The following PTPRN2 variants were observed in gnomAD, a reference collection of about 807,000 sequenced individuals.
PTPRN2 encodes the protein protein tyrosine phosphatase receptor type N2.
In PTPRN2, 74 loss-of-function variants were observed where a neutral mutation model predicts 118.8. The observed-to-expected ratio is 0.62, with a 90% confidence interval of 0.52 to 0.76. The LOEUF (loss-of-function observed/expected upper bound fraction) is 0.76. Ranked by LOEUF, PTPRN2 falls within the 30% of genes least tolerant of loss-of-function variation. The pLI is 0.00. For synonymous variants in PTPRN2, 641 were observed against 608.0 expected (o/e 1.05, Z -0.80); for missense variants, 1,481 against 1,394.4 (o/e 1.06, Z -0.99).
chr7:158,069,576 A>G (rs886401702), intron 11 of PTPRN2, among the ~76,000 whole-genome samples: 1 of 151,412 alleles, frequency 6.6e-6, no homozygotes, highest in African/African-American at 2.4e-5. Context: ...CTTAACCCCC[A>G]AAGTGCTGGG....
At chr7:157,837,964 AT>A (rs1808089214) in intron 12 of PTPRN2, among the ~76,000 whole-genome samples, 1 of 151,730 alleles carries the variant, frequency 6.6e-6, no homozygotes, top group Non-Finnish European at 1.5e-5. Context: ...CTCACAGTGG[AT>A]GGCACGGGAG....
At chr7:157,582,952 A>C (rs1800477277) in intron 17 of PTPRN2, among the ~76,000 whole-genome samples, 1 of 152,096 alleles carries the variant, frequency 6.6e-6, no homozygotes, top group African/African-American at 2.4e-5. Context: ...CCACTGTGTG[A>C]TCCAGCAATC....
At chr7:158,264,717 T>C (rs927957517) in intron 3 of PTPRN2, among the ~76,000 whole-genome samples, 3 of 152,160 alleles carry the variant, frequency 2.0e-5, no homozygotes, top group African/African-American at 2.4e-5. Context: ...TCTTCCTCCA[T>C]GCCCAGGCTC....
intron 12 of PTPRN2, among the ~76,000 whole-genome samples, chr7:157,744,230 C>T (rs986493771): frequency 2.6e-5 from 4 of 152,156 alleles, no homozygotes; most frequent in East Asian, 1.9e-4. Flanking sequence ...GCACAGAAGC[C>T]GTGATGCTGG....
chr7:157,886,113 C>G (rs1307959228), intron 12 of PTPRN2, among the ~76,000 whole-genome samples: 1 of 152,174 alleles, frequency 6.6e-6, no homozygotes, highest in African/African-American at 2.4e-5. Context: ...ACTGAGGGAC[C>G]TTATGAACAT....
intron 11 of PTPRN2, among the ~76,000 whole-genome samples, chr7:158,073,246 C>T (rs1316253305): frequency 6.6e-6 from 1 of 152,248 alleles, no homozygotes; most frequent in African/African-American, 2.4e-5. Flanking sequence ...GAAGAACTCC[C>T]AAGAAGTGGC....
At chr7:158,241,240 G>A (rs547215860) in intron 3 of PTPRN2, among the ~76,000 whole-genome samples, 2 of 152,198 alleles carry the variant, frequency 1.3e-5, no homozygotes, top group Non-Finnish European at 2.9e-5. Flanking sequence ...TTTCGGCCGG[G>A]CGTGGTGGCT....
intron 11 of PTPRN2, among the ~76,000 whole-genome samples, chr7:157,993,382 G>A (rs10807652): frequency 0.75 from 112,993 of 151,408 alleles, 43,115 homozygotes; most frequent in Non-Finnish European, 0.83. Flanking sequence ...AAGACCCCAC[G>A]GGGACATCCC....
chr7:157,569,739 C>A (rs537935921), intron 20 of PTPRN2, among the ~76,000 whole-genome samples: 2 of 152,204 alleles, frequency 1.3e-5, no homozygotes, highest in Non-Finnish European at 2.9e-5. Context: ...CCCGTGCAGA[C>A]GCTGTCACTG....
chr7:158,172,386 CATT>C, intron 5 of PTPRN2, among the ~76,000 whole-genome samples: 1 of 152,292 alleles, frequency 6.6e-6, no homozygotes, highest in Middle Eastern at 3.4e-3. Flanking sequence ...TCAGCAGTAT[CATT>C]ATCACCATTA....
chr7:157,770,316 A>T (rs1037321145), intron 12 of PTPRN2, among the ~76,000 whole-genome samples: 1 of 152,204 alleles, frequency 6.6e-6, no homozygotes, highest in African/African-American at 2.4e-5. Context: ...TCAGTATAAC[A>T]ACTACCCTTG....
At chr7:158,308,441 A>G (rs1465603018) in intron 3 of PTPRN2, among the ~76,000 whole-genome samples, 1 of 152,228 alleles carries the variant, frequency 6.6e-6, no homozygotes, top group Non-Finnish European at 1.5e-5. Context: ...TTATTTAGTA[A>G]ATATGAAAGA....
rs1467052742 is a variant in PTPRN2 at position 158,378,704 on chromosome 7, T to TC, written c.164-61773dup. Reference sequence around the variant, plus strand: ...AGGGTCCAGGGTCCAGGGTCCAGGGTCAACATCCAACTCAGTTGCTTTCTG... The same window carrying TC: ...AGGGTCCAGGGTCCAGGGTCCAGGGTCCAACATCCAACTCAGTTGCTTTCTG... On this transcript the variant is annotated intron_variant, in intron 2 of 22. Coordinates refer to ENST00000389418, the MANE Select transcript of PTPRN2 (RefSeq NM_002847.5). 7.2e-3 allele frequency among the ~76,000 whole-genome samples: 1,089 copies of TC among 152,240 alleles called. 9 individuals are homozygous for TC. The highest frequency in any genetic ancestry group is 0.025 in the African/African-American group (1,038 of 41,536).
intron 12 of PTPRN2, among the ~76,000 whole-genome samples, chr7:157,872,202 C>A (rs1205623905): frequency 7.3e-6 from 1 of 137,036 alleles, no homozygotes; most frequent in Non-Finnish European, 1.6e-5. Flanking sequence ...CACACCCATA[C>A]CCAGTGTCCT....
At chr7:158,080,839 G>A (rs891180734) in intron 11 of PTPRN2, among the ~76,000 whole-genome samples, 2 of 152,166 alleles carry the variant, frequency 1.3e-5, no homozygotes, top group African/African-American at 4.8e-5. Flanking sequence ...GATACTTTGT[G>A]GTGTCTCTGC....
chr7:157,781,610 G>A (rs1010385060), intron 12 of PTPRN2, among the ~76,000 whole-genome samples: 3 of 152,178 alleles, frequency 2.0e-5, no homozygotes, highest in Non-Finnish European at 4.4e-5. Context: ...AGTATGAAGC[G>A]TGCAGCTGGG....
intron 2 of PTPRN2, among the ~76,000 whole-genome samples, chr7:158,379,659 T>TA (rs1810810309): frequency 6.6e-6 from 1 of 152,096 alleles, no homozygotes; most frequent in Non-Finnish European, 1.5e-5. Context: ...GGGGCGGGGT[T>TA]CCTAAGAAAC....
intron 3 of PTPRN2, among the ~76,000 whole-genome samples, chr7:158,258,142 A>G (rs1299747547): frequency 1.3e-5 from 2 of 152,242 alleles, no homozygotes; most frequent in Non-Finnish European, 2.9e-5. Context: ...AACAGCTCAC[A>G]GCATGGCTGC....
intron 12 of PTPRN2, among the ~76,000 whole-genome samples, chr7:157,811,204 G>A (rs373569996): frequency 3.3e-5 from 5 of 150,932 alleles, no homozygotes; most frequent in Non-Finnish European, 5.9e-5. Context: ...CCGGGAGGTG[G>A]AGCTTGCAGT....
Sources: allele counts gnomAD v4.1 joint callset (sites outside exome capture counted in the v4.1 genomes callset), GRCh38; gene constraint gnomAD v4.1.1; transcripts MANE v1.5; gene names NCBI Gene and HGNC (gene_info 2026-07-23, HGNC 2026-07-21).